NCOR1: variants seen among roughly 807,000 people sequenced by gnomAD.
NCOR1 encodes nuclear receptor corepressor 1, also known as protein phosphatase 1, regulatory subunit 109.
In NCOR1, 63 loss-of-function variants were observed where a neutral mutation model predicts 288.1. The observed-to-expected ratio is 0.22, with a 90% CI of 0.18 to 0.27. NCOR1 has a LOEUF of 0.27. Ranked by LOEUF, NCOR1 falls within the 10% of genes least tolerant of loss-of-function variation. NCOR1 has a pLI of 1.00. For synonymous variants in NCOR1, 1,007 were observed against 1,065.9 expected, an observed-to-expected ratio of 0.94 and a Z score of 1.08; for missense variants, 2,397 against 3,019.2, an observed-to-expected ratio of 0.79 and a Z score of 4.83.
chr17:16,117,739 T>G (rs1307452774), intron 18 of NCOR1, 149 bp downstream of exon 18: 2 of 807,850 alleles, frequency 2.5e-6, no homozygotes, highest in Non-Finnish European at 3.5e-6. Context: ...AGGAAATTGC[T>G]TGAATCCGGG....
At chr17:16,210,870 C>T (rs531984145) in intron 1 of NCOR1, among the ~76,000 whole-genome samples, 7 of 152,172 alleles carry the variant, frequency 4.6e-5, no homozygotes, top group African/African-American at 4.8e-5. Context: ...GCTGGCACTA[C>T]AGGTGCGTGC....
chr17:16,114,818 G>A (rs760192344), intron 18 of NCOR1, among the ~76,000 whole-genome samples: 26 of 152,214 alleles, frequency 1.7e-4, no homozygotes, highest in Admixed American at 1.4e-3. Context: ...ACAGGGTAGC[G>A]TTGAGTGTCT....
chr17:16,139,160 G>C lies in NCOR1; in HGVS notation c.1200C>G (p.Leu400=). 6.2e-7 allele frequency: 1 copy of C among 1,609,978 alleles called. No homozygotes were observed. Among genetic ancestry groups the C allele is most frequent in the African/African-American group, 1.3e-5 (1 of 74,692 alleles). ...CAAACATCATAGGTGGAATCACAGA[G>C]AGCTGCCGCATTTGTTTCTCATTAT... ...QENNEKQMRQ[L]SVIPPMMFDA... The change falls in exon 12 of 46, where the codon CTC becomes CTG. Residue 400 remains leucine, a synonymous_variant. Coordinates refer to ENST00000268712, the MANE Select transcript of NCOR1 (RefSeq NM_006311.4).
intron 21 of NCOR1, among the ~76,000 whole-genome samples, chr17:16,094,737 G>GT (rs1052825400): frequency 7.9e-5 from 12 of 152,196 alleles, no homozygotes; most frequent in African/African-American, 2.9e-4. Context: ...ACTGGTTTTC[G>GT]TATTTTTTTG....
intron 41 of NCOR1, among the ~76,000 whole-genome samples, 154 bp from the exon 42 acceptor site, chr17:16,047,247 T>C (rs1004642295): frequency 5.3e-5 from 8 of 152,194 alleles, no homozygotes; most frequent in African/African-American, 1.7e-4. Flanking sequence ...TATGTAATCA[T>C]AAACCACTTA....
chr17:16,150,123 G>T (rs1275871644), intron 8 of NCOR1, among the ~76,000 whole-genome samples: 1 of 151,994 alleles, frequency 6.6e-6, no homozygotes, highest in African/African-American at 2.4e-5. Context: ...ATGACATGCA[G>T]GTTCAAGTAT....
chr17:16,076,954 C>A (rs1370724009), intron 26 of NCOR1, among the ~76,000 whole-genome samples: 1 of 152,232 alleles, frequency 6.6e-6, no homozygotes, highest in Non-Finnish European at 1.5e-5. Context: ...CACGACAACA[C>A]CTGTGTCACA....
rs2069357807 is a variant in NCOR1, at chr17:16,108,852, C to G, written c.2116G>C (p.Val706Leu). ...VSQCESVAST[V>L]SAQEDEDIEA... ...ATATCTTCATCCTCCTGAGCAGAAA[C>G]AGTGGAAGCGACACTTTCACATTGA... The change falls in exon 19 of 46, where the codon GTT becomes CTT. Residue 706 changes from valine (V) to leucine (L), a missense_variant. By Grantham distance (32) the Val-to-Leu change is conservative (BLOSUM62 1). Coordinates refer to ENST00000268712, the MANE Select transcript of NCOR1 (RefSeq NM_006311.4). 3 of 1,607,210 alleles carry G rather than the reference C, an allele frequency of 1.9e-6. No homozygotes were observed. The highest frequency in any genetic ancestry group is 2.6e-6 in the Non-Finnish European group (3 of 1,175,794).
intron 44 of NCOR1, among the ~76,000 whole-genome samples, chr17:16,035,989 G>A (rs755730524): frequency 4.6e-5 from 7 of 152,106 alleles, no homozygotes; most frequent in East Asian, 1.9e-4. Flanking sequence ...TACAAATGTC[G>A]TTAATAGCAT....
intron 10 of NCOR1, among the ~76,000 whole-genome samples, chr17:16,145,399 A>C (rs1338901594): frequency 5.8e-5 from 8 of 137,370 alleles, no homozygotes; most frequent in South Asian, 2.4e-4. Context: ...CTGGCCGCCC[A>C]GTCTGGGAAG....
chr17:16,041,106 CTG>C (rs1284603437), intron 42 of NCOR1: 1 of 152,306 alleles, frequency 6.6e-6, no homozygotes, highest in Non-Finnish European at 1.5e-5. Flanking sequence ...ATGAAAATGA[CTG>C]TGTTTCCCTG....
chr17:16,062,668 A>G (rs549893922), intron 35 of NCOR1, among the ~76,000 whole-genome samples: 2 of 152,330 alleles, frequency 1.3e-5, no homozygotes, highest in South Asian at 4.1e-4. Context: ...CAACTTTCTA[A>G]GCATCATAAT....
chr17:16,105,269 TAGTC>T (rs1278508498), intron 19 of NCOR1, among the ~76,000 whole-genome samples: 3 of 151,998 alleles, frequency 2.0e-5, no homozygotes, highest in Non-Finnish European at 4.4e-5. Context: ...AAAAGTACAT[TAGTC>T]AGGTGTGGTG....
rs374948633 is a variant in NCOR1 at position 16,108,127 on chromosome 17, T to C, written c.2182+659A>G. On this transcript the variant is annotated intron_variant, in intron 19 of 45. Transcript: ENST00000268712. Reference sequence around the variant, plus strand: ...ACATGAACATGTTTAATTTATAATATATGAAGAGCTACTAAAAGCATTATA... The same window carrying C: ...ACATGAACATGTTTAATTTATAATACATGAAGAGCTACTAAAAGCATTATA... The C allele has an allele frequency of 1.7e-3, 280 of 163,488 alleles. 7 individuals are homozygous for C. In the South Asian group the frequency reaches 0.032, roughly 19 times the overall value. 10.1% of individuals were successfully genotyped at this position (163,488 alleles called of 1,614,324 possible).
chr17:16,127,744 G>T (rs1189340957), intron 14 of NCOR1, among the ~76,000 whole-genome samples: 1 of 99,240 alleles, frequency 1.0e-5, no homozygotes, highest in African/African-American at 3.7e-5. Context: ...TATATGTGTG[G>T]AGATATATAT....
chr17:16,215,530 G>C lies in NCOR1; in HGVS notation c.-239C>G, dbSNP rs1600709012. On this transcript the variant is annotated 5_prime_UTR_variant, in exon 1 of 46. Coordinates refer to ENST00000268712, the MANE Select transcript of NCOR1 (RefSeq NM_006311.4). Reference sequence around the variant, plus strand: ...GCTTCGCCACCTTGGCCGCCATCTTGACTCAACCCCTCTCCCTCCCCCCAG... The same window carrying C: ...GCTTCGCCACCTTGGCCGCCATCTTCACTCAACCCCTCTCCCTCCCCCCAG... 1 of 398,434 alleles carries C rather than the reference G, an allele frequency of 2.5e-6. No individual in the cohort carries two copies. The highest frequency in any genetic ancestry group is 3.6e-5 in the East Asian group (1 of 28,046). The allele number at this position is 398,434 out of a possible 1,614,324, so 24.7% of individuals were successfully genotyped here.
At chr17:16,179,867 A>T (rs779654282) in intron 3 of NCOR1, among the ~76,000 whole-genome samples, 2 of 149,254 alleles carry the variant, frequency 1.3e-5, no homozygotes, top group African/African-American at 4.9e-5. Context: ...TACAAAAATT[A>T]GCCGGGCGTG....
intron 33 of NCOR1, 98 bp downstream of exon 33, chr17:16,065,387 T>C: frequency 7.6e-7 from 1 of 1,316,374 alleles, no homozygotes; most frequent in Non-Finnish European, 1.1e-6. Flanking sequence ...TTTCTTTCTT[T>C]CTTTCCATCA....
At chr17:16,105,847 C>A (rs1162456852) in intron 19 of NCOR1, among the ~76,000 whole-genome samples, 3 of 152,166 alleles carry the variant, frequency 2.0e-5, no homozygotes, top group Non-Finnish European at 4.4e-5. Context: ...TGCCTGTAAT[C>A]CCAGCACTTT....
Sources: gnomAD v4.1 joint callset for allele counts (sites outside exome capture counted in the v4.1 genomes callset) on GRCh38, gnomAD v4.1.1 for gene constraint, MANE v1.5 for transcripts, NCBI Gene and HGNC (gene_info 2026-07-23, HGNC 2026-07-21) for gene names.